Variants in NME7 observed in about 807,000 individuals in gnomAD.
NME7 encodes nucleoside diphosphate kinase 7.
In NME7, 41 loss-of-function variants were observed where a neutral mutation model predicts 49.1. The ratio of observed to expected loss-of-function variants is 0.83; its 90% CI spans 0.65 to 1.08. The LOEUF (loss-of-function observed/expected upper bound fraction) is 1.08, where lower values mean the gene tolerates loss of function less well. NME7 is among the 50% of genes least tolerant of loss of function. The pLI, the probability that NME7 is intolerant of heterozygous loss-of-function variation, is 0.00. For synonymous variants in NME7, 139 were observed against 150.6 expected, an observed-to-expected ratio of 0.92 and a Z score of 0.56; for missense variants, 423 against 463.4, an observed-to-expected ratio of 0.91 and a Z score of 0.80.
chr1:169,176,128 T>C (rs1659742585), intron 10 of NME7, among the ~76,000 whole-genome samples: 1 of 152,136 alleles, frequency 6.6e-6, no homozygotes, highest in Non-Finnish European at 1.5e-5. Flanking sequence ...AGTTATGCAG[T>C]TTTATATTCC....
At chr1:169,157,881 A>G (rs1659124414) in intron 11 of NME7, among the ~76,000 whole-genome samples, 2 of 152,204 alleles carry the variant, frequency 1.3e-5, no homozygotes, top group Admixed American at 1.3e-4. Flanking sequence ...GTGTCTGTTC[A>G]TGTCCTTTTT....
At chr1:169,151,304 G>A (rs75910420) in intron 11 of NME7, among the ~76,000 whole-genome samples, 2,599 of 152,266 alleles carry the variant, frequency 0.017, 70 homozygotes, top group African/African-American at 0.057. Flanking sequence ...TTCAGGGGCA[G>A]CTGATGAAAT....
Position 169,264,740 on chromosome 1 carries a change from C to T in NME7, c.754+22563G>A, listed in dbSNP as rs1015521769. Reference sequence around the variant, plus strand: ...TAATAGTATCAGGATCTGAACTAAACTCTTGACCAAATGGATCTAATAGAC... The same window carrying T: ...TAATAGTATCAGGATCTGAACTAAATTCTTGACCAAATGGATCTAATAGAC... On this transcript the variant is annotated intron_variant, in intron 7 of 11. Coordinates refer to ENST00000367811, the MANE Select transcript of NME7 (RefSeq NM_013330.5). 2.3e-4 allele frequency among the ~76,000 whole-genome samples: 31 copies of T among 133,322 alleles called. 11 individuals carry two copies. Among genetic ancestry groups the T allele is most frequent in the Non-Finnish European group, 7.1e-5 (4 of 56,732 alleles). 87.5% of individuals were successfully genotyped at this position (133,322 alleles called of 152,430 possible). A position where few individuals can be genotyped will look rare whatever the true frequency, so the allele number is the denominator to read the frequency against.
At chr1:169,213,070 G>GT (rs1205962434) in intron 10 of NME7, among the ~76,000 whole-genome samples, 1 of 152,096 alleles carries the variant, frequency 6.6e-6, no homozygotes, top group Non-Finnish European at 1.5e-5. Context: ...GTGCTGTGAT[G>GT]TGCCTTATAA....
chr1:169,231,318 T>A (rs909196647), intron 9 of NME7, among the ~76,000 whole-genome samples: 1 of 152,208 alleles, frequency 6.6e-6, no homozygotes, highest in African/African-American at 2.4e-5. Flanking sequence ...CACAGGTCTA[T>A]GACCCCTGAA....
At chr1:169,139,646 A>G (rs1354925108) in intron 11 of NME7, among the ~76,000 whole-genome samples, 1 of 152,258 alleles carries the variant, frequency 6.6e-6, no homozygotes, top group Non-Finnish European at 1.5e-5. Context: ...AATATTGCAT[A>G]ATAAATATCA....
At chr1:169,293,931 C>A (rs1650612189) in intron 6 of NME7, among the ~76,000 whole-genome samples, 1 of 151,712 alleles carries the variant, frequency 6.6e-6, no homozygotes, top group African/African-American at 2.4e-5. Flanking sequence ...GTGTCATAGA[C>A]TTTTTTTTAA....
chr1:169,173,173 T>C (rs1397147283), intron 10 of NME7, among the ~76,000 whole-genome samples: 1 of 152,220 alleles, frequency 6.6e-6, no homozygotes, highest in Non-Finnish European at 1.5e-5. Context: ...TGCTTTAATG[T>C]TCTTATTTGT....
At chr1:169,232,877 A>C (rs1322546124) in intron 9 of NME7, among the ~76,000 whole-genome samples, 2 of 113,162 alleles carry the variant, frequency 1.8e-5, no homozygotes, top group Non-Finnish European at 3.9e-5. Flanking sequence ...TAGTTGCTTT[A>C]TTTTTCTTTT....
At chr1:169,295,631 A>G (rs899004415) in intron 6 of NME7, among the ~76,000 whole-genome samples, 3 of 152,160 alleles carry the variant, frequency 2.0e-5, no homozygotes, top group African/African-American at 7.2e-5. Context: ...ACAAAACCAC[A>G]GCCATGGTTA....
chr1:169,238,477 G>GCACACACACACACACACACACA (rs138287537), intron 7 of NME7, among the ~76,000 whole-genome samples: 6 of 124,066 alleles, frequency 4.8e-5, no homozygotes, highest in African/African-American at 1.5e-4. Context: ...ATGCACAAAG[G>GCACACACACACACACACACACA]CACACACACA....
At chr1:169,133,869 A>ATAAAG (rs1658338170) in intron 11 of NME7, among the ~76,000 whole-genome samples, 1 of 152,320 alleles carries the variant, frequency 6.6e-6, no homozygotes, top group African/African-American at 2.4e-5. Flanking sequence ...ATGGGGCTTT[A>ATAAAG]GGTCTGAGGA....
At chr1:169,235,343 T>C in intron 8 of NME7, 144 bp from the exon 9 acceptor site, 1 of 496,124 alleles carries the variant, frequency 2.0e-6, no homozygotes, top group East Asian at 3.4e-5. Context: ...GAAGAAAAAG[T>C]GTTATTAAAC....
intron 3 of NME7, among the ~76,000 whole-genome samples, chr1:169,315,110 A>AATTT (rs1260567447): frequency 6.6e-6 from 1 of 152,146 alleles, no homozygotes; most frequent in Non-Finnish European, 1.5e-5. Flanking sequence ...ATTTTAATAA[A>AATTT]ACCTTGGCAA....
intron 6 of NME7, among the ~76,000 whole-genome samples, chr1:169,288,820 G>A (rs1217810335): frequency 2.6e-5 from 4 of 152,072 alleles, no homozygotes; most frequent in African/African-American, 4.8e-5. Context: ...TGCTTTGATT[G>A]CATGGTCCGA....
At chr1:169,187,504 CTTCT>C (rs1211335850) in intron 10 of NME7, among the ~76,000 whole-genome samples, 2 of 152,040 alleles carry the variant, frequency 1.3e-5, no homozygotes, top group African/African-American at 2.4e-5. Context: ...ATGTAATACC[CTTCT>C]TTGTCTTTTT....
At chr1:169,340,497 G>A (rs1360787209) in intron 1 of NME7, among the ~76,000 whole-genome samples, 4 of 152,176 alleles carry the variant, frequency 2.6e-5, no homozygotes, top group Non-Finnish European at 5.9e-5. Context: ...CCAGCAGAGT[G>A]GGGTACTGCT....
At chr1:169,174,692 A>T (rs934199493) in intron 10 of NME7, among the ~76,000 whole-genome samples, 4 of 152,132 alleles carry the variant, frequency 2.6e-5, no homozygotes, top group Non-Finnish European at 5.9e-5. Flanking sequence ...ACTGTAACAC[A>T]ATGATAAATA....
intron 1 of NME7, among the ~76,000 whole-genome samples, chr1:169,356,347 G>C (rs1363761757): frequency 2.0e-5 from 3 of 152,118 alleles, no homozygotes; most frequent in African/African-American, 7.2e-5. Context: ...AGCTGGTAGG[G>C]GGACAGAGAG....
Sources: allele counts gnomAD v4.1 joint callset (sites outside exome capture counted in the v4.1 genomes callset), GRCh38; gene constraint gnomAD v4.1.1; transcripts MANE v1.5; gene names NCBI Gene and HGNC (gene_info 2026-07-23, HGNC 2026-07-21).